Variants in ATP2B2 observed in about 807,000 individuals in gnomAD.
The protein encoded by ATP2B2 is plasma membrane calcium-transporting ATPase 2.
Under a neutral mutation model 120.0 loss-of-function variants are expected in ATP2B2, and 15 were observed. The observed-to-expected ratio is 0.12, with a 90% CI of 0.08 to 0.19. ATP2B2 has a LOEUF of 0.19. ATP2B2 is among the 10% of genes least tolerant of loss of function. The pLI is 1.00. For synonymous variants in ATP2B2, 694 were observed against 700.3 expected (o/e 0.99, Z 0.14); for missense variants, 1,045 against 1,719.8 (o/e 0.61, Z 6.94).
intron 3 of ATP2B2, among the ~76,000 whole-genome samples, chr3:10,526,704 G>T (rs2067102572): frequency 6.6e-6 from 1 of 152,184 alleles, no homozygotes; most frequent in East Asian, 1.9e-4. Context: ...CCAGTGAGGG[G>T]GTGTGGGGAG....
intron 2 of ATP2B2, among the ~76,000 whole-genome samples, chr3:10,578,082 C>T (rs2068295504): frequency 6.6e-6 from 1 of 152,154 alleles, no homozygotes; most frequent in African/African-American, 2.4e-5. Flanking sequence ...CTCAGCATCT[C>T]TGAGGCTCAG....
intron 1 of ATP2B2, among the ~76,000 whole-genome samples, chr3:10,628,419 G>A (rs1232106863): frequency 1.3e-5 from 2 of 150,748 alleles, no homozygotes; most frequent in East Asian, 1.9e-4. Flanking sequence ...AAGCTCTGGC[G>A]AATGATTAAC....
chr3:10,583,247 G>A (rs2068432453), intron 2 of ATP2B2, among the ~76,000 whole-genome samples: 1 of 152,214 alleles, frequency 6.6e-6, no homozygotes, highest in African/African-American at 2.4e-5. Flanking sequence ...ATTGCATTCT[G>A]TGTGATGCTT....
rs1034145720 is a variant in ATP2B2 at position 10,586,391 on chromosome 3, A to G, written c.-415+33526T>C. 5.3e-5 allele frequency among the ~76,000 whole-genome samples: 8 copies of G among 152,212 alleles called. 1 individual carries two copies. The highest frequency in any genetic ancestry group is 2.4e-5 in the African/African-American group (1 of 41,458). ...TCTCATCTGAGTCTCCATCATCCCA[A>G]GAGGCAGATCTTACTTTTGCCGTTT... On this transcript the variant is annotated intron_variant, in intron 2 of 21. Transcript: ENST00000646379.
At chr3:10,692,232 A>G (rs1365198520) in intron 1 of ATP2B2, among the ~76,000 whole-genome samples, 1 of 152,260 alleles carries the variant, frequency 6.6e-6, no homozygotes, top group Non-Finnish European at 1.5e-5. Context: ...AAGGGCAGGC[A>G]GAGTTAACAC....
intron 12 of ATP2B2, among the ~76,000 whole-genome samples, chr3:10,365,285 C>T (rs73811895): frequency 0.018 from 2,699 of 152,346 alleles, 69 homozygotes; most frequent in African/African-American, 0.061. Context: ...ATAGGGCCTC[C>T]AGTGAACATC....
chr3:10,467,361 T>C (rs2064791113), intron 1 of ATP2B2, among the ~76,000 whole-genome samples: 1 of 152,226 alleles, frequency 6.6e-6, no homozygotes, highest in Non-Finnish European at 1.5e-5. Context: ...CTATTCACCC[T>C]TGAGAGCCCC....
At chr3:10,357,049 T>C (rs1559553280) in intron 14 of ATP2B2, among the ~76,000 whole-genome samples, 5 of 152,130 alleles carry the variant, frequency 3.3e-5, no homozygotes, top group Admixed American at 2.6e-4. Flanking sequence ...TTCATTCTTA[T>C]TCATTCATTC....
intron 2 of ATP2B2, among the ~76,000 whole-genome samples, chr3:10,592,169 C>G (rs2068660030): frequency 6.6e-6 from 1 of 152,186 alleles, no homozygotes; most frequent in Non-Finnish European, 1.5e-5. Flanking sequence ...CTTTCAGTAT[C>G]TCTATCATCC....
At position 10,351,830 on chromosome 3, in the gene ATP2B2, C is replaced by T. The variant is rs1169891203; in HGVS notation, c.2137-1253G>A. Among the ~76,000 whole-genome samples, 3 of 152,212 alleles carry T rather than the reference C, an allele frequency of 2.0e-5. No homozygotes were observed. In the East Asian group the frequency reaches 5.8e-4, roughly 29 times the overall value. On this transcript the variant is annotated intron_variant, in intron 14 of 22. Transcript: ENST00000360273. ...GTGCTGCTTCTACACTCCAAGGAGG[C>T]CAAAGGTGGCCAGCAAGCCACTGGA...
chr3:10,546,624 T>TA (rs1022393315), intron 2 of ATP2B2, among the ~76,000 whole-genome samples: 19 of 152,218 alleles, frequency 1.2e-4, no homozygotes, highest in African/African-American at 4.6e-4. Flanking sequence ...CTGAGGTCCC[T>TA]ACCTTCCTAT....
Position 10,610,604 on chromosome 3 carries a change from G to A in ATP2B2, c.-415+9313C>T, listed in dbSNP as rs942224207. Among the ~76,000 whole-genome samples, 3 of 152,206 alleles carry A rather than the reference G, an allele frequency of 2.0e-5. No individual in the cohort carries two copies. In the South Asian group the frequency reaches 6.2e-4, roughly 31 times the overall value. On this transcript the variant is annotated intron_variant, in intron 2 of 21. Transcript: ENST00000646379. ...GAATGATAGGTTCCAAATTAAGAAT[G>A]TTCTTGGCCCTGTTCAATCTTCAAG... is the stretch of plus-strand genomic sequence containing the variant.
intron 2 of ATP2B2, among the ~76,000 whole-genome samples, chr3:10,560,440 G>A (rs527840682): frequency 1.4e-4 from 16 of 112,840 alleles, no homozygotes; most frequent in East Asian, 2.3e-4. Flanking sequence ...CAGCTGGGCC[G>A]TCTTCTGAGA....
intron 3 of ATP2B2, among the ~76,000 whole-genome samples, chr3:10,532,959 C>T (rs1007478714): frequency 2.6e-5 from 4 of 152,122 alleles, no homozygotes; most frequent in East Asian, 1.9e-4. Flanking sequence ...GGGCTAATGG[C>T]GGCTACTGGG....
At chr3:10,614,633 C>T (rs1220513203) in intron 2 of ATP2B2, among the ~76,000 whole-genome samples, 1 of 152,200 alleles carries the variant, frequency 6.6e-6, no homozygotes, top group East Asian at 1.9e-4. Context: ...GTGGCCTCCC[C>T]TCCCTGTGCC....
intron 2 of ATP2B2, among the ~76,000 whole-genome samples, chr3:10,426,167 T>C (rs530669829): frequency 2.6e-4 from 40 of 152,286 alleles, no homozygotes; most frequent in African/African-American, 9.4e-4. Context: ...TTCTTTTGGC[T>C]GAACCCCCCT....
rs529993729 is a variant in ATP2B2 at position 10,547,704 on chromosome 3, A to G, written c.-414-13571T>C. 2.0e-5 allele frequency among the ~76,000 whole-genome samples: 3 copies of G among 152,286 alleles called. No homozygotes were observed. In the South Asian group the frequency reaches 6.2e-4, roughly 32 times the overall value. On this transcript the variant is annotated intron_variant, in intron 2 of 21. Transcript: ENST00000646379. ...TTGTTCTCATGCATCTGTTCCATGAAAGTTCTGAATATTAGTCCTCAGGGA... is the reference window on the plus strand; with the variant it reads ...TTGTTCTCATGCATCTGTTCCATGAGAGTTCTGAATATTAGTCCTCAGGGA...
chr3:10,569,512 T>C (rs1034761479), intron 2 of ATP2B2, among the ~76,000 whole-genome samples: 1 of 152,204 alleles, frequency 6.6e-6, no homozygotes, highest in African/African-American at 2.4e-5. Context: ...TTTTTTCTTA[T>C]TTTAGTAGTT....
chr3:10,699,683 A>G (rs972113680), intron 1 of ATP2B2, among the ~76,000 whole-genome samples: 3 of 152,166 alleles, frequency 2.0e-5, no homozygotes, highest in African/African-American at 4.8e-5. Context: ...CCAATGCAAC[A>G]GTGTTGAAAG....
Sources: gnomAD v4.1 joint callset for allele counts (sites outside exome capture counted in the v4.1 genomes callset) on GRCh38, gnomAD v4.1.1 for gene constraint, MANE v1.5 for transcripts, NCBI Gene and HGNC (gene_info 2026-07-23, HGNC 2026-07-21) for gene names.